The following LCORL variants were observed in gnomAD, a reference collection of about 807,000 sequenced individuals.
The protein encoded by LCORL is ligand dependent nuclear receptor corepressor like, also known as ligand-dependent nuclear receptor corepressor-like protein.
A neutral mutation model predicts 141.8 loss-of-function variants in LCORL; 41 were observed. The observed-to-expected ratio is 0.29, with a 90% CI of 0.23 to 0.38. LCORL has a LOEUF of 0.38. Ranked by LOEUF, LCORL falls within the 10% of genes least tolerant of loss-of-function variation. The pLI is 1.00. For missense variants in LCORL, 1,759 were observed against 2,035.0 expected (o/e 0.86, Z 2.61); for synonymous variants, 618 against 694.1 (o/e 0.89, Z 1.72).
intron 1 of LCORL, among the ~76,000 whole-genome samples, chr4:18,006,535 C>A (rs934759457): frequency 6.6e-6 from 1 of 152,076 alleles, no homozygotes; most frequent in Non-Finnish European, 1.5e-5. Context: ...CAAGACTGGG[C>A]AATTTACAAA....
At chr4:17,874,297 AAGG>A (rs964839327) in exon 7 of LCORL, 117 of 1,233,878 alleles carry the variant, frequency 9.5e-5, no homozygotes, top group Admixed American at 7.6e-4. Flanking sequence ...GCTGATTTTG[AAGG>A]AGAAGAGAGT....
Position 18,011,204 on chromosome 4 carries a change from T to C in LCORL, c.154+10394A>G, listed in dbSNP as rs115172491. On this transcript the variant is annotated intron_variant, in intron 1 of 7. Coordinates refer to ENST00000635767, the Ensembl canonical transcript of LCORL. ...AATAGAAAGATTATTTTGGCTTCCA[T>C]CTTTCTCCTTGTTTTATTTCTCAAG... Among the ~76,000 whole-genome samples the C allele has an allele frequency of 6.6e-3, 1,010 of 152,272 alleles. 3 individuals are homozygous for C. The highest frequency in any genetic ancestry group is 0.013 in the Non-Finnish European group (855 of 68,008).
chr4:17,991,457 G>C (rs1372454457), intron 1 of LCORL, among the ~76,000 whole-genome samples: 1 of 152,194 alleles, frequency 6.6e-6, no homozygotes, highest in Non-Finnish European at 1.5e-5. Context: ...AATGTAGCTA[G>C]AGTCAACTGA....
intron 4 of LCORL, among the ~76,000 whole-genome samples, chr4:17,947,981 T>C (rs990640439): frequency 6.6e-6 from 1 of 151,454 alleles, no homozygotes; most frequent in Non-Finnish European, 1.5e-5. Context: ...TGATTTAGAG[T>C]TTATCAAGCA....
At chr4:17,958,994 T>C (rs1713241499) in intron 4 of LCORL, among the ~76,000 whole-genome samples, 1 of 152,014 alleles carries the variant, frequency 6.6e-6, no homozygotes, top group Admixed American at 6.6e-5. Flanking sequence ...TCCTAGAACA[T>C]CCTCCTCTGC....
chr4:17,884,451 T>C lies in LCORL; in HGVS notation c.776+1617A>G. ...AGTAGATTGAGTTTACTTTTTTCTG[T>C]GCGCTCTGCTTGAGCTCTTGCCCAC... is the stretch of plus-strand genomic sequence containing the variant. On this transcript the variant is annotated intron_variant, in intron 6 of 7. Coordinates refer to ENST00000635767, the Ensembl canonical transcript of LCORL. This position sits in a 1 kb window ranked among gnomAD's most constrained non-coding sequence, Gnocchi z 4.4. 6.5e-7 allele frequency: 1 copy of C among 1,550,254 alleles called. No individual in the cohort carries two copies. Among genetic ancestry groups the C allele is most frequent in the African/African-American group, 1.4e-5 (1 of 72,970 alleles).
At chr4:17,985,150 T>G (rs1188052181) in intron 1 of LCORL, among the ~76,000 whole-genome samples, 4 of 152,104 alleles carry the variant, frequency 2.6e-5, no homozygotes, top group Admixed American at 6.6e-5. Flanking sequence ...TGATTTTGGT[T>G]CTTCTGCATT....
At chr4:18,003,159 A>G (rs1722244628) in intron 1 of LCORL, among the ~76,000 whole-genome samples, 1 of 152,222 alleles carries the variant, frequency 6.6e-6, no homozygotes, top group South Asian at 2.1e-4. Context: ...TCGTTGGTGC[A>G]GAAGTCATTA....
At chr4:17,921,375 C>G (rs1427885695) in intron 4 of LCORL, among the ~76,000 whole-genome samples, 1 of 152,148 alleles carries the variant, frequency 6.6e-6, no homozygotes, top group African/African-American at 2.4e-5. Context: ...TTTCTAGAAG[C>G]TTTTCAATTT....
At chr4:17,999,854 C>T (rs1721636097) in intron 1 of LCORL, among the ~76,000 whole-genome samples, 1 of 152,180 alleles carries the variant, frequency 6.6e-6, no homozygotes, top group African/African-American at 2.4e-5. Context: ...ATTTTCAACA[C>T]TCAAGACTAC....
exon 7 of LCORL, chr4:17,877,171 G>C: frequency 8.1e-7 from 1 of 1,230,438 alleles, no homozygotes; most frequent in Non-Finnish European, 1.0e-6. Flanking sequence ...GTTTCTTGAC[G>C]CTTTCGAAAT....
chr4:17,963,004 C>A, exon 3 of LCORL: 1 of 1,597,056 alleles, frequency 6.3e-7, no homozygotes, highest in Non-Finnish European at 8.5e-7. Context: ...ACAAAATGAA[C>A]ATTTTTCATC....
At chr4:17,971,216 C>T (rs764117264) in intron 2 of LCORL, among the ~76,000 whole-genome samples, 11 of 151,984 alleles carry the variant, frequency 7.2e-5, no homozygotes, top group Non-Finnish European at 1.2e-4. Flanking sequence ...AATATAACCA[C>T]GACAAACATT....
chr4:17,867,608 A>G (rs1013971081), intron 7 of LCORL, among the ~76,000 whole-genome samples: 5 of 152,246 alleles, frequency 3.3e-5, no homozygotes, highest in Non-Finnish European at 7.3e-5. Context: ...TATGTTGCCA[A>G]AGTAAAAACT....
chr4:17,843,992 T>C (rs1419369909), exon 8 of LCORL: 1 of 152,034 alleles, frequency 6.6e-6, no homozygotes, highest in Non-Finnish European at 1.5e-5. Flanking sequence ...TTTGGTGATA[T>C]CTGCCTGGGA....
At chr4:17,848,594 G>A (rs548044120) in intron 7 of LCORL, among the ~76,000 whole-genome samples, 8 of 152,248 alleles carry the variant, frequency 5.3e-5, no homozygotes, top group Non-Finnish European at 8.8e-5. Flanking sequence ...AGCTCCCAGC[G>A]TGAGCGACGC....
chr4:17,842,440 G>GA (rs1722503835), exon 8 of LCORL: 1 of 1,362,506 alleles, frequency 7.3e-7, no homozygotes, highest in East Asian at 2.3e-5. Context: ...TCTACAAGTA[G>GA]AAAAAAACTA....
intron 1 of LCORL, among the ~76,000 whole-genome samples, chr4:17,999,506 T>C (rs1440311989): frequency 6.6e-6 from 1 of 151,952 alleles, no homozygotes; most frequent in Admixed American, 6.6e-5. Flanking sequence ...GATAGGAACT[T>C]CCCAACTCCA....
At chr4:17,998,404 T>G (rs1002085850) in intron 1 of LCORL, among the ~76,000 whole-genome samples, 19 of 152,254 alleles carry the variant, frequency 1.2e-4, no homozygotes, top group African/African-American at 4.3e-4. Context: ...TCTTTATTGA[T>G]AGTCTTATTC....
Sources: gnomAD v4.1 joint callset for allele counts (sites outside exome capture counted in the v4.1 genomes callset) on GRCh38, gnomAD v4.1.1 for gene constraint, Gnocchi (gnomAD v3.1) non-coding constraint, MANE v1.5 for transcripts, NCBI Gene and HGNC (gene_info 2026-07-23, HGNC 2026-07-21) for gene names.